The following DLG2 variants were observed in gnomAD, a reference collection of about 807,000 sequenced individuals.
DLG2 encodes the protein discs large MAGUK scaffold protein 2, also known as disks large homolog 2.
A neutral mutation model predicts 132.5 loss-of-function variants in DLG2; 45 were observed. The ratio of observed to expected loss-of-function variants is 0.34; its 90% CI spans 0.27 to 0.44. The LOEUF is 0.44. Ranked by LOEUF, DLG2 falls within the 20% of genes least tolerant of loss-of-function variation. DLG2 has a pLI of 1.00. For synonymous variants in DLG2, 424 were observed against 419.6 expected, an observed-to-expected ratio of 1.01 and a Z score of -0.13; for missense variants, 1,045 against 1,196.9, an observed-to-expected ratio of 0.87 and a Z score of 1.87.
intron 3 of DLG2, among the ~76,000 whole-genome samples, chr11:85,392,237 G>A (rs2086860557): frequency 6.6e-6 from 1 of 152,044 alleles, no homozygotes; most frequent in South Asian, 2.1e-4. Context: ...GCAAGGAGGT[G>A]AAAGACCTCT....
At chr11:83,637,529 T>A (rs1431610027) in intron 18 of DLG2, among the ~76,000 whole-genome samples, 1 of 152,102 alleles carries the variant, frequency 6.6e-6, no homozygotes, top group African/African-American at 2.4e-5. Context: ...TTCACAAAAG[T>A]CATAGAGCTA....
At chr11:83,881,869 C>G (rs772338477) in intron 15 of DLG2, among the ~76,000 whole-genome samples, 4 of 151,924 alleles carry the variant, frequency 2.6e-5, no homozygotes, top group African/African-American at 9.7e-5. Context: ...TACAAAAAAG[C>G]CTTGTCTCTA....
intron 8 of DLG2, among the ~76,000 whole-genome samples, chr11:84,211,605 G>A (rs574081201): frequency 6.6e-6 from 1 of 152,084 alleles, no homozygotes; most frequent in East Asian, 1.9e-4. Flanking sequence ...ATAAATGCAT[G>A]CCCACTTCCC....
At chr11:83,684,525 AG>A (rs1175971083) in intron 18 of DLG2, 1 of 152,192 alleles carries the variant, frequency 6.6e-6, no homozygotes, top group African/African-American at 2.4e-5. Context: ...CATACTTAAT[AG>A]TAGGTACTAT....
intron 5 of DLG2, among the ~76,000 whole-genome samples, chr11:85,134,943 A>G (rs1425981448): frequency 1.3e-5 from 2 of 152,210 alleles, no homozygotes; most frequent in African/African-American, 4.8e-5. Context: ...AATAAAATCC[A>G]TGCTCTGGTC....
In DLG2 at chr11:85,291,586, T is replaced by TTC. The variant is rs1038939107; in HGVS notation, c.41-6222_41-6221insGA. 0.015 allele frequency among the ~76,000 whole-genome samples: 11 copies of TTC among 724 alleles called. No individual in the cohort carries two copies. In the South Asian group the frequency reaches 0.21, roughly 14 times the overall value. 0.5% of individuals were successfully genotyped at this position (724 alleles called of 152,430 possible). On this transcript the variant is annotated intron_variant, in intron 3 of 27. Transcript: ENST00000376104. ...CCAAAATCACCTGAGGATTCTCTTCTTTTTTTTTTTTTTTTTAAGACAGAG... is the reference window on the plus strand; with the variant it reads ...CCAAAATCACCTGAGGATTCTCTTCTTCTTTTTTTTTTTTTTTTAAGACAGAG...
intron 11 of DLG2, among the ~76,000 whole-genome samples, chr11:84,037,811 T>C (rs967818956): frequency 1.3e-5 from 2 of 152,134 alleles, no homozygotes; most frequent in Non-Finnish European, 2.9e-5. Flanking sequence ...GTTTCATACA[T>C]GTTGATGTTA....
chr11:85,003,971 T>C (rs1018717563), intron 6 of DLG2, among the ~76,000 whole-genome samples: 9 of 152,202 alleles, frequency 5.9e-5, no homozygotes, highest in African/African-American at 2.2e-4. Flanking sequence ...ACATGCGGTA[T>C]TTGGTTTTCT....
At chr11:85,001,438 T>C (rs1292026134) in intron 6 of DLG2, among the ~76,000 whole-genome samples, 1 of 152,160 alleles carries the variant, frequency 6.6e-6, no homozygotes, top group Admixed American at 6.6e-5. Context: ...AAGCAATTGT[T>C]AGGTCTTAGA....
intron 6 of DLG2, among the ~76,000 whole-genome samples, chr11:84,780,322 T>C (rs1366704367): frequency 6.6e-6 from 1 of 151,894 alleles, no homozygotes; most frequent in African/African-American, 2.4e-5. Flanking sequence ...TTTAATAAAA[T>C]TCAGCATGAC....
At chr11:84,839,464 G>C (rs1449842028) in intron 6 of DLG2, among the ~76,000 whole-genome samples, 1 of 152,024 alleles carries the variant, frequency 6.6e-6, no homozygotes, top group Non-Finnish European at 1.5e-5. Flanking sequence ...AGCTACCAAT[G>C]ACTTTCTTCA....
chr11:83,581,826 C>T (rs1399833239), intron 19 of DLG2, among the ~76,000 whole-genome samples: 2 of 151,662 alleles, frequency 1.3e-5, no homozygotes, highest in Non-Finnish European at 2.9e-5. Flanking sequence ...CATGGAACCA[C>T]ATAAAAATCC....
intron 6 of DLG2, among the ~76,000 whole-genome samples, chr11:84,736,853 T>G (rs142199655): frequency 6.6e-6 from 1 of 152,116 alleles, no homozygotes; most frequent in African/African-American, 2.4e-5. Flanking sequence ...CCTTTGCTTC[T>G]TTTTCTTTAC....
intron 7 of DLG2, among the ~76,000 whole-genome samples, chr11:84,339,928 TCTC>T (rs1486429042): frequency 6.6e-6 from 1 of 152,134 alleles, no homozygotes; most frequent in African/African-American, 2.4e-5. Context: ...TATCAGTAAA[TCTC>T]CTGGCCATAC....
chr11:85,190,621 A>T (rs537389328), intron 4 of DLG2, among the ~76,000 whole-genome samples: 54 of 152,326 alleles, frequency 3.5e-4, no homozygotes, highest in African/African-American at 1.3e-3. Context: ...TGCTAGCTAG[A>T]TTAATAAAGA....
intron 7 of DLG2, among the ~76,000 whole-genome samples, chr11:84,398,465 C>T (rs1180787974): frequency 6.6e-6 from 1 of 152,178 alleles, no homozygotes; most frequent in African/African-American, 2.4e-5. Flanking sequence ...GACTACTGTT[C>T]TTCATCCACT....
At chr11:84,725,595 G>A (rs1240501314) in intron 6 of DLG2, among the ~76,000 whole-genome samples, 1 of 152,056 alleles carries the variant, frequency 6.6e-6, no homozygotes. Flanking sequence ...TGAGAGTAAC[G>A]AAGCTCTTCC....
At chr11:83,493,436 A>G (rs1261107603) in intron 21 of DLG2, among the ~76,000 whole-genome samples, 1 of 147,820 alleles carries the variant, frequency 6.8e-6, no homozygotes, top group Non-Finnish European at 1.5e-5. Context: ...CTGCATACAC[A>G]TTTGTTTATT....
At chr11:84,459,129 T>A (rs144360816) in intron 7 of DLG2, among the ~76,000 whole-genome samples, 1 of 150,644 alleles carries the variant, frequency 6.6e-6, no homozygotes, top group Non-Finnish European at 1.5e-5. Flanking sequence ...TTTCAGCACA[T>A]TGTCAATTTT....
Sources: allele counts gnomAD v4.1 joint callset (sites outside exome capture counted in the v4.1 genomes callset), GRCh38; gene constraint gnomAD v4.1.1; transcripts MANE v1.5; gene names NCBI Gene and HGNC (gene_info 2026-07-23, HGNC 2026-07-21).